ST3GAL3: variants seen among roughly 807,000 people sequenced by gnomAD.
ST3GAL3 encodes the protein CMP-N-acetylneuraminate-beta-1,4-galactoside alpha-2,3-sialyltransferase.
Under a neutral mutation model 50.1 loss-of-function variants are expected in ST3GAL3, and 21 were observed. The ratio of observed to expected loss-of-function variants is 0.42; its 90% CI spans 0.30 to 0.60. ST3GAL3 has a LOEUF of 0.60. ST3GAL3 is among the 20% of genes least tolerant of loss of function. The probability of loss-of-function intolerance (pLI) is 0.19; values close to 1 mark genes in which losing one functional copy is unlikely to be tolerated. For synonymous variants in ST3GAL3, 183 were observed against 190.0 expected, an observed-to-expected ratio of 0.96 and a Z score of 0.30; for missense variants, 353 against 489.4, an observed-to-expected ratio of 0.72 and a Z score of 2.63.
At chr1:43,740,054 C>T (rs1402487648) in intron 2 of ST3GAL3, among the ~76,000 whole-genome samples, 3 of 151,962 alleles carry the variant, frequency 2.0e-5, no homozygotes, top group Non-Finnish European at 4.4e-5. Flanking sequence ...TCTTCATCTC[C>T]AAAATGAAGA....
intron 3 of ST3GAL3, among the ~76,000 whole-genome samples, chr1:43,813,120 C>T (rs1368392382): frequency 6.6e-6 from 1 of 152,180 alleles, no homozygotes; most frequent in African/African-American, 2.4e-5. Context: ...TGGCCCCTGA[C>T]ATTTGAGTTT....
chr1:43,929,981 C>A (rs759743055), intron 11 of ST3GAL3, 151 bp from the exon 12 acceptor site: 2 of 772,544 alleles, frequency 2.6e-6, no homozygotes, highest in Non-Finnish European at 4.7e-6. Context: ...GTCATCATTA[C>A]CGTGTAGACA....
chr1:43,815,918 G>GATGGATGT (rs1306067797), intron 4 of ST3GAL3, among the ~76,000 whole-genome samples: 4 of 151,938 alleles, frequency 2.6e-5, no homozygotes, highest in African/African-American at 9.7e-5. Context: ...TGGATGGATG[G>GATGGATGT]ATGGATGGAT....
At chr1:43,840,682 C>T (rs981223696) in intron 5 of ST3GAL3, 7 of 152,080 alleles carry the variant, frequency 4.6e-5, no homozygotes, top group African/African-American at 1.7e-4. Context: ...TGTGATGTCT[C>T]CCCCGGATGC....
intron 9 of ST3GAL3, among the ~76,000 whole-genome samples, chr1:43,917,549 ATATATAATATATTATAT>A (rs1450016772): frequency 2.3e-5 from 2 of 86,694 alleles, no homozygotes; most frequent in Non-Finnish European, 4.2e-5. Flanking sequence ...ATTATGTATT[ATATATAATATATTATAT>A]TATATAATAT....
intron 2 of ST3GAL3, among the ~76,000 whole-genome samples, chr1:43,777,235 A>G (rs1045465000): frequency 2.6e-5 from 4 of 152,232 alleles, no homozygotes; most frequent in African/African-American, 9.6e-5. Context: ...CACATTAACA[A>G]TAATTCCTTA....
At chr1:43,894,177 C>G (rs934122273) in intron 5 of ST3GAL3, 6 of 622,774 alleles carry the variant, frequency 9.6e-6, no homozygotes, top group African/African-American at 9.0e-5. Flanking sequence ...ACTGACCAGG[C>G]CTACTCCCTC....
intron 1 of ST3GAL3, among the ~76,000 whole-genome samples, chr1:43,715,300 G>A (rs767172722): frequency 2.0e-5 from 3 of 152,096 alleles, no homozygotes; most frequent in Non-Finnish European, 4.4e-5. Flanking sequence ...ATGGCTGTGC[G>A]CGGTGGCTCA....
At chr1:43,732,655 G>A (rs576497853) in intron 1 of ST3GAL3, among the ~76,000 whole-genome samples, 23 of 152,306 alleles carry the variant, frequency 1.5e-4, no homozygotes, top group Admixed American at 9.8e-4. Context: ...CTCAATGGAT[G>A]TGACCAGGGA....
At chr1:43,810,959 G>C (rs1256909250) in intron 3 of ST3GAL3, among the ~76,000 whole-genome samples, 1 of 152,000 alleles carries the variant, frequency 6.6e-6, no homozygotes, top group Non-Finnish European at 1.5e-5. Flanking sequence ...CTATGTTTTG[G>C]TTATGTGAAC....
intron 1 of ST3GAL3, among the ~76,000 whole-genome samples, chr1:43,732,748 C>T (rs1676488781): frequency 6.6e-6 from 1 of 152,058 alleles, no homozygotes; most frequent in Admixed American, 6.6e-5. Flanking sequence ...CTCAGAGTTG[C>T]TAATGAACAT....
chr1:43,764,956 T>A (rs1482415953), intron 2 of ST3GAL3, among the ~76,000 whole-genome samples: 1 of 152,236 alleles, frequency 6.6e-6, no homozygotes, highest in Admixed American at 6.5e-5. Context: ...GAAGACAGCT[T>A]TAGACAGAAT....
At chr1:43,745,557 G>A (rs990061620) in intron 2 of ST3GAL3, among the ~76,000 whole-genome samples, 2 of 152,218 alleles carry the variant, frequency 1.3e-5, no homozygotes, top group Non-Finnish European at 2.9e-5. Context: ...GTCAGTGACA[G>A]ACCACATATG....
At chr1:43,853,016 GA>G (rs1446629078) in intron 5 of ST3GAL3, among the ~76,000 whole-genome samples, 1 of 152,038 alleles carries the variant, frequency 6.6e-6, no homozygotes, top group African/African-American at 2.4e-5. Flanking sequence ...TCTTTAAAAA[GA>G]AAAAATATAA....
In ST3GAL3 at chr1:43,757,120, G is replaced by A. The variant is rs575654069; in HGVS notation, c.118+20740G>A. Among the ~76,000 whole-genome samples the A allele has an allele frequency of 7.9e-5, 12 of 152,142 alleles. No individual in the cohort carries two copies. In the South Asian group the frequency reaches 2.5e-3, roughly 32 times the overall value. On this transcript the variant is annotated intron_variant, in intron 2 of 11. Coordinates refer to ENST00000347631, the MANE Select transcript of ST3GAL3 (RefSeq NM_006279.5). ...GGGTTTCACCATGTTGGCCAGGCTG[G>A]TCTCAAACTCCTGACCTCAAGTAAT...
intron 2 of ST3GAL3, among the ~76,000 whole-genome samples, chr1:43,753,328 G>T (rs964736117): frequency 1.3e-5 from 2 of 152,092 alleles, no homozygotes; most frequent in Non-Finnish European, 2.9e-5. Context: ...TGCTATTTTT[G>T]GTTTTACCTA....
intron 1 of ST3GAL3, among the ~76,000 whole-genome samples, chr1:43,710,864 G>A (rs1664383329): frequency 6.6e-6 from 1 of 152,132 alleles, no homozygotes; most frequent in Non-Finnish European, 1.5e-5. Flanking sequence ...ATTAGAGTCT[G>A]CCTTTTTGCG....
At chr1:43,751,552 A>G (rs1003130700) in intron 2 of ST3GAL3, among the ~76,000 whole-genome samples, 2 of 152,256 alleles carry the variant, frequency 1.3e-5, no homozygotes, top group Non-Finnish European at 2.9e-5. Context: ...ATATACTCCT[A>G]CATGAAGATG....
At chr1:43,803,499 G>A (rs373438768) in intron 3 of ST3GAL3, among the ~76,000 whole-genome samples, 3 of 152,146 alleles carry the variant, frequency 2.0e-5, no homozygotes, top group South Asian at 2.1e-4. Flanking sequence ...TTGTGAGCCC[G>A]ATTTTTCAGT....
Sources: gnomAD v4.1 joint callset for allele counts (sites outside exome capture counted in the v4.1 genomes callset) on GRCh38, gnomAD v4.1.1 for gene constraint, MANE v1.5 for transcripts, NCBI Gene and HGNC (gene_info 2026-07-23, HGNC 2026-07-21) for gene names.